FAM53A: variants seen among roughly 807,000 people sequenced by gnomAD.
FAM53A encodes the protein family with sequence similarity 53 member A.
In FAM53A, 28 loss-of-function variants were observed where a neutral mutation model predicts 26.6. That is an observed-to-expected ratio of 1.05 (90% CI 0.78 to 1.45). FAM53A has a LOEUF of 1.45. FAM53A is among the 40% of genes most tolerant of loss of function. The pLI is 0.00. For synonymous variants in FAM53A, 290 were observed against 253.1 expected, an observed-to-expected ratio of 1.15 and a Z score of -1.38; for missense variants, 650 against 575.8, an observed-to-expected ratio of 1.13 and a Z score of -1.32.
At chr4:1,592,505 C>G in the FAM53A span, among the ~76,000 whole-genome samples, 1 of 141,432 alleles carries the variant, frequency 7.1e-6, no homozygotes, top group Non-Finnish European at 1.6e-5. Flanking sequence ...TGCGGTCCTT[C>G]CTGGGGGAAA....
chr4:1,668,478 G>A (rs1434462343), intron 2 of FAM53A, among the ~76,000 whole-genome samples, 189 bp downstream of exon 2: 2 of 152,086 alleles, frequency 1.3e-5, no homozygotes, highest in Non-Finnish European at 2.9e-5. Context: ...CAATGATGGT[G>A]AAAATCCGCT....
chr4:1,660,226 T>C (rs1713725977), intron 2 of FAM53A, among the ~76,000 whole-genome samples: 1 of 149,926 alleles, frequency 6.7e-6, no homozygotes, highest in South Asian at 2.1e-4. Flanking sequence ...GAGGCTGCAG[T>C]GAGCCGAGAT....
chr4:1,655,509 G>A lies in FAM53A; in HGVS notation c.351C>T (p.Thr117=). Residue 117 remains threonine (T), a synonymous_variant, in exon 4 of 5, where the codon ACC becomes ACT. Transcript: ENST00000308132. ...CTGACAAGGACCGGCAATGCCGCTT[G>A]GTCGGTGGGGCCGTGGACGAGCCTG... The part of the protein sequence containing the change: ...ESTGSSTAPP[T]KRHCRSLSEP... 6.4e-7 allele frequency: 1 copy of A among 1,571,458 alleles called. No individual in the cohort carries two copies.
downstream of FAM53A, among the ~76,000 whole-genome samples, chr4:1,637,879 C>T (rs555379737): frequency 4.6e-5 from 7 of 152,188 alleles, no homozygotes; most frequent in African/African-American, 1.7e-4. Context: ...GTCCCAGGGA[C>T]CCAGGGGCTG....
intron 1 of FAM53A, among the ~76,000 whole-genome samples, chr4:1,679,169 A>C (rs1261762158): frequency 2.0e-5 from 3 of 152,134 alleles, no homozygotes. Flanking sequence ...TTTAAAATTC[A>C]ACAATAAGAA....
chr4:1,595,472 G>A, the FAM53A span, among the ~76,000 whole-genome samples: 1 of 152,212 alleles, frequency 6.6e-6, no homozygotes, highest in Admixed American at 6.5e-5. Context: ...CCTAGGCTTG[G>A]TGGTGCTGGG....
At chr4:1,643,444 A>C (rs940113622) in intron 4 of FAM53A, among the ~76,000 whole-genome samples, 15 of 152,040 alleles carry the variant, frequency 9.9e-5, no homozygotes, top group South Asian at 6.2e-4. Context: ...CCAGCCTGGG[A>C]GACAGAGTGA....
chr4:1,673,605 C>T (rs1316306933), intron 1 of FAM53A, among the ~76,000 whole-genome samples: 1 of 152,180 alleles, frequency 6.6e-6, no homozygotes, highest in South Asian at 2.1e-4. Context: ...TGATGGCGCA[C>T]ACCTGTAGTC....
chr4:1,647,279 T>C (rs1265827386), intron 4 of FAM53A, among the ~76,000 whole-genome samples: 4 of 149,598 alleles, frequency 2.7e-5, no homozygotes. Flanking sequence ...AGGTTGCAGT[T>C]AGCCGAGATG....
the FAM53A span, among the ~76,000 whole-genome samples, chr4:1,584,170 C>G: frequency 6.6e-6 from 1 of 152,208 alleles, no homozygotes; most frequent in Non-Finnish European, 1.5e-5. Context: ...CAAACAGAAT[C>G]CTTCATTTTG....
the FAM53A span, among the ~76,000 whole-genome samples, chr4:1,601,294 G>A: frequency 1.9e-5 from 1 of 51,394 alleles, no homozygotes; most frequent in African/African-American, 5.1e-5. Flanking sequence ...ACTGCTTTCC[G>A]GGGGCCCCCC....
chr4:1,591,436 G>C, the FAM53A span, among the ~76,000 whole-genome samples: 1 of 152,158 alleles, frequency 6.6e-6, no homozygotes, highest in African/African-American at 2.4e-5. Flanking sequence ...ATGAAGGAGA[G>C]AGAATGCGCA....
chr4:1,620,539 A>G (rs936125850), intron 1 of FAM53A, among the ~76,000 whole-genome samples: 1 of 151,830 alleles, frequency 6.6e-6, no homozygotes, highest in Non-Finnish European at 1.5e-5. Flanking sequence ...AAAACCTACA[A>G]AAGCACCACC....
intron 1 of FAM53A, among the ~76,000 whole-genome samples, chr4:1,633,143 G>C (rs114266732): frequency 6.6e-6 from 1 of 151,824 alleles, no homozygotes; most frequent in South Asian, 2.1e-4. Flanking sequence ...CACACACATA[G>C]GTACACGTGC....
In FAM53A at chr4:1,659,868, G is replaced by A. The variant is rs1169498749; in HGVS notation, c.76-2400C>T. Among the ~76,000 whole-genome samples, 1 of 152,160 alleles carries A rather than the reference G, an allele frequency of 6.6e-6. No homozygotes were observed. Among genetic ancestry groups the A allele is most frequent in the Non-Finnish European group, 1.5e-5 (1 of 68,046 alleles). ...CATATGCGCACTTAATTCCATTCAT[G>A]AGGGCACTGCCGCCATGACCTAAGC... On this transcript the variant is annotated intron_variant, in intron 2 of 4. Coordinates refer to ENST00000308132, the MANE Select transcript of FAM53A (RefSeq NM_001174070.3). The surrounding 1 kb of genome is among the most constrained non-coding windows in gnomAD (Gnocchi z 5.2).
At chr4:1,644,098 G>A in intron 4 of FAM53A, 3 of 1,461,112 alleles carry the variant, frequency 2.1e-6, no homozygotes, top group Non-Finnish European at 1.8e-6. Flanking sequence ...GCAGACTCTG[G>A]CTGCCGTGCT....
At chr4:1,684,550 C>CGGA (rs1249535653), upstream of FAM53A, among the ~76,000 whole-genome samples, 1 of 151,696 alleles carries the variant, frequency 6.6e-6, no homozygotes, top group Admixed American at 6.6e-5. Flanking sequence ...GCCCCGCCCC[C>CGGA]TGCGCGCGTG....
intron 1 of FAM53A, among the ~76,000 whole-genome samples, chr4:1,629,790 C>T (rs1715529826): frequency 6.6e-6 from 1 of 152,168 alleles, no homozygotes; most frequent in Non-Finnish European, 1.5e-5. Flanking sequence ...CAGTTAGTCC[C>T]GGAAGCAGCT....
intron 1 of FAM53A, among the ~76,000 whole-genome samples, chr4:1,622,773 C>T (rs74820769): frequency 0.078 from 11,930 of 152,208 alleles, 507 homozygotes; most frequent in Middle Eastern, 0.18. Flanking sequence ...CAGACTCAGG[C>T]ACCACATTTC....
Sources: allele counts gnomAD v4.1 joint callset (sites outside exome capture counted in the v4.1 genomes callset), GRCh38; gene constraint gnomAD v4.1.1; non-coding constraint Gnocchi (gnomAD v3.1); transcripts MANE v1.5; gene names NCBI Gene and HGNC (gene_info 2026-07-23, HGNC 2026-07-21).